CNTNAP2: variants seen among roughly 807,000 people sequenced by gnomAD.
CNTNAP2 encodes the protein contactin associated protein 2.
In CNTNAP2, 98 loss-of-function variants were observed where a neutral mutation model predicts 155.2. The observed-to-expected ratio is 0.63, with a 90% confidence interval of 0.54 to 0.75. The LOEUF (loss-of-function observed/expected upper bound fraction) is 0.75. CNTNAP2 is among the 30% of genes least tolerant of loss of function. CNTNAP2 has a pLI of 0.00. For synonymous variants in CNTNAP2, 651 were observed against 631.2 expected, an observed-to-expected ratio of 1.03 and a Z score of -0.47; for missense variants, 1,727 against 1,688.1, an observed-to-expected ratio of 1.02 and a Z score of -0.40.
At chr7:147,121,577 T>A (rs989703942) in intron 6 of CNTNAP2, 1 of 168,934 alleles carries the variant, frequency 5.9e-6, no homozygotes, top group Non-Finnish European at 1.3e-5. Context: ...CTGGTTTATA[T>A]TAAGTCATTT....
At chr7:146,999,196 T>C (rs1012936703) in intron 3 of CNTNAP2, among the ~76,000 whole-genome samples, 1 of 151,266 alleles carries the variant, frequency 6.6e-6, no homozygotes, top group Non-Finnish European at 1.5e-5. Flanking sequence ...AATCATCTTA[T>C]TGTTGTAACA....
At chr7:147,644,609 G>A (rs1226188456) in intron 13 of CNTNAP2, among the ~76,000 whole-genome samples, 1 of 152,136 alleles carries the variant, frequency 6.6e-6, no homozygotes, top group African/African-American at 2.4e-5. Context: ...GCGATAGAGC[G>A]AGACTCTGTC....
chr7:146,387,175 A>C (rs558500911), intron 1 of CNTNAP2, among the ~76,000 whole-genome samples: 1 of 152,162 alleles, frequency 6.6e-6, no homozygotes, highest in African/African-American at 2.4e-5. Context: ...AATAATGCCC[A>C]TGTGTTTTTC....
rs546537641 is a variant in CNTNAP2, at chr7:147,179,242, A to G, written c.1348+46733A>G. 3.9e-4 allele frequency among the ~76,000 whole-genome samples: 60 copies of G among 152,348 alleles called. 1 individual carries two copies. The highest frequency in any genetic ancestry group is 1.3e-3 in the African/African-American group (55 of 41,578). On this transcript the variant is annotated intron_variant, in intron 8 of 23. Coordinates refer to ENST00000361727, the MANE Select transcript of CNTNAP2 (RefSeq NM_014141.6). ...CAGCAAAAGGTTCTTCAATTTTAAG[A>G]AACAAAATATTAAGACTAGAAGCTT...
At chr7:146,755,134 G>T (rs1801973358) in intron 1 of CNTNAP2, among the ~76,000 whole-genome samples, 1 of 151,834 alleles carries the variant, frequency 6.6e-6, no homozygotes, top group African/African-American at 2.4e-5. Context: ...GGATGTAATT[G>T]GAATTTGTGC....
Position 148,174,059 on chromosome 7 carries a change from T to C in CNTNAP2, c.3010+1581T>C, listed in dbSNP as rs964425069. On this transcript the variant is annotated intron_variant, in intron 18 of 23. Transcript: ENST00000361727. ...ATAAAGTGAAATGACGCCTGTGTGT[T>C]GCCTCTGACATTATTTCAACATGTT... Among the ~76,000 whole-genome samples the C allele has an allele frequency of 2.6e-5, 4 of 152,348 alleles. No homozygotes were observed. The East Asian group carries it at 5.8e-4, about 22-fold the overall frequency.
intron 12 of CNTNAP2, among the ~76,000 whole-genome samples, chr7:147,565,184 A>G (rs976553560): frequency 6.6e-6 from 1 of 152,206 alleles, no homozygotes; most frequent in East Asian, 1.9e-4. Flanking sequence ...AAGGTGAAGA[A>G]GAGAAATGAG....
At chr7:146,952,459 A>G (rs371235048) in intron 3 of CNTNAP2, among the ~76,000 whole-genome samples, 38 of 152,270 alleles carry the variant, frequency 2.5e-4, no homozygotes, top group African/African-American at 9.1e-4. Context: ...AATAAAATGT[A>G]TTCAAAAAGG....
intron 14 of CNTNAP2, among the ~76,000 whole-genome samples, chr7:147,943,694 C>G (rs937467431): frequency 3.0e-5 from 4 of 134,906 alleles, no homozygotes; most frequent in Non-Finnish European, 6.1e-5. Flanking sequence ...GCCCAGGAGA[C>G]AGAGGTTGCA....
chr7:146,989,381 A>G (rs1798169319), intron 3 of CNTNAP2, among the ~76,000 whole-genome samples: 2 of 152,040 alleles, frequency 1.3e-5, no homozygotes, highest in Non-Finnish European at 2.9e-5. Flanking sequence ...GTCACTGGAT[A>G]CAGGTTGCCC....
At chr7:148,087,208 T>C (rs1427517964) in intron 15 of CNTNAP2, among the ~76,000 whole-genome samples, 2 of 152,140 alleles carry the variant, frequency 1.3e-5, no homozygotes, top group Non-Finnish European at 2.9e-5. Context: ...AGTTATTATG[T>C]GGGGCCCCAT....
intron 22 of CNTNAP2, among the ~76,000 whole-genome samples, chr7:148,394,063 TA>T (rs1365201106): frequency 6.6e-6 from 1 of 152,136 alleles, no homozygotes; most frequent in Non-Finnish European, 1.5e-5. Context: ...TGGTGAAATG[TA>T]AAGTGTTTTA....
At chr7:147,016,200 G>A (rs952631596) in intron 3 of CNTNAP2, among the ~76,000 whole-genome samples, 9 of 151,926 alleles carry the variant, frequency 5.9e-5, no homozygotes, top group African/African-American at 1.9e-4. Context: ...TGATGAAAGC[G>A]CGGAAGAACC....
chr7:146,400,105 C>G (rs991749236), intron 1 of CNTNAP2, among the ~76,000 whole-genome samples: 2 of 151,864 alleles, frequency 1.3e-5, no homozygotes, highest in Non-Finnish European at 2.9e-5. Flanking sequence ...AGGCAAACCT[C>G]CCTCCCTCCC....
chr7:146,768,254 A>C (rs1302797608), intron 1 of CNTNAP2, among the ~76,000 whole-genome samples: 1 of 151,572 alleles, frequency 6.6e-6, no homozygotes, highest in Non-Finnish European at 1.5e-5. Context: ...CTTGAATTAC[A>C]AGCTGAACGA....
intron 17 of CNTNAP2, among the ~76,000 whole-genome samples, chr7:148,167,288 T>C (rs1362756470): frequency 6.6e-6 from 1 of 152,064 alleles, no homozygotes; most frequent in Admixed American, 6.6e-5. Context: ...TACAGGTGCA[T>C]GCCACCACGC....
At chr7:147,691,488 T>G (rs535192590) in intron 13 of CNTNAP2, among the ~76,000 whole-genome samples, 35 of 152,250 alleles carry the variant, frequency 2.3e-4, no homozygotes, top group Middle Eastern at 3.4e-3. Flanking sequence ...CAATATCTAC[T>G]CTTCCTAACT....
At chr7:147,926,728 A>G (rs1800404950) in intron 14 of CNTNAP2, among the ~76,000 whole-genome samples, 2 of 152,346 alleles carry the variant, frequency 1.3e-5, no homozygotes, top group African/African-American at 4.8e-5. Context: ...AAAAGATTTT[A>G]TAAAGGAAAA....
At chr7:147,775,260 AATATATTTATATATATATTT>A (rs1797546274) in intron 13 of CNTNAP2, among the ~76,000 whole-genome samples, 1 of 89,630 alleles carries the variant, frequency 1.1e-5, no homozygotes, top group Non-Finnish European at 2.1e-5. Flanking sequence ...TATATTTATA[AATATATTTATATATATATTT>A]ATAAATATAT....
Sources: allele counts gnomAD v4.1 joint callset (sites outside exome capture counted in the v4.1 genomes callset), GRCh38; gene constraint gnomAD v4.1.1; transcripts MANE v1.5; gene names NCBI Gene and HGNC (gene_info 2026-07-23, HGNC 2026-07-21).